ABCD2: variants seen among roughly 807,000 people sequenced by gnomAD.
ABCD2 encodes the protein ATP-binding cassette sub-family D member 2.
ABCD2 carries 36 observed loss-of-function variants against 70.9 expected under a neutral mutation model. The observed-to-expected ratio is 0.51, with a 90% confidence interval of 0.39 to 0.67. ABCD2 has a LOEUF of 0.67. Among genes scored for constraint, ABCD2 ranks in the 30% least tolerant of loss-of-function variants. The probability of loss-of-function intolerance (pLI) is 0.00; values close to 1 mark genes in which losing one functional copy is unlikely to be tolerated. For synonymous variants in ABCD2, 304 were observed against 306.9 expected, an observed-to-expected ratio of 0.99 and a Z score of 0.10; for missense variants, 729 against 890.2, an observed-to-expected ratio of 0.82 and a Z score of 2.30.
chr12:39,569,391 G>C (rs1941412194), intron 9 of ABCD2, among the ~76,000 whole-genome samples: 1 of 152,216 alleles, frequency 6.6e-6, no homozygotes, highest in African/African-American at 2.4e-5. Flanking sequence ...TGCTAGCAAT[G>C]AGCAAGGCTC....
At chr12:39,602,127 T>TTTTA (rs78767678) in intron 5 of ABCD2, among the ~76,000 whole-genome samples, 16,562 of 145,246 alleles carry the variant, frequency 0.11, 1,107 homozygotes, top group South Asian at 0.2. Flanking sequence ...TTTTTAAAAA[T>TTTTA]TTTATTTATT....
the ABCD2 span, among the ~76,000 whole-genome samples, chr12:39,542,427 A>C: frequency 4.6e-5 from 7 of 150,824 alleles, no homozygotes; most frequent in Admixed American, 4.0e-4. Context: ...ACGCCACTGC[A>C]CTCCAGCCTG....
intron 7 of ABCD2, 86 bp downstream of exon 7, chr12:39,586,066 C>A (rs978302015): frequency 1.3e-5 from 16 of 1,266,204 alleles, no homozygotes; most frequent in East Asian, 2.4e-5. Context: ...AGCATACATT[C>A]AAATTAAACC....
At chr12:39,586,435 A>T in intron 6 of ABCD2, 138 bp from the exon 7 acceptor site, 1 of 788,520 alleles carries the variant, frequency 1.3e-6, no homozygotes, top group Non-Finnish European at 1.9e-6. Context: ...CCTGGCGATG[A>T]GTACTTCTCC....
chr12:39,605,659 T>C (rs1366637093), intron 3 of ABCD2, among the ~76,000 whole-genome samples: 1 of 152,160 alleles, frequency 6.6e-6, no homozygotes, highest in Non-Finnish European at 1.5e-5. Flanking sequence ...GCTGTTTTTC[T>C]ATTAAGAGAA....
intron 9 of ABCD2, among the ~76,000 whole-genome samples, chr12:39,560,015 C>T (rs1185907626): frequency 6.6e-6 from 1 of 151,912 alleles, no homozygotes; most frequent in Non-Finnish European, 1.5e-5. Context: ...TCACTTATTT[C>T]TTTTTTTTAT....
chr12:39,579,931 G>A (rs1941573879), intron 7 of ABCD2, among the ~76,000 whole-genome samples: 1 of 152,048 alleles, frequency 6.6e-6, no homozygotes, highest in South Asian at 2.1e-4. Flanking sequence ...TTATCTTGGA[G>A]GGAGATGGGA....
chr12:39,539,912 C>T, the ABCD2 span: 1 of 152,564 alleles, frequency 6.6e-6, no homozygotes, highest in East Asian at 1.9e-4. Context: ...ACCAAGGTTT[C>T]CTGCTTTCTA....
At chr12:39,614,960 A>G (rs1181875821) in intron 2 of ABCD2, among the ~76,000 whole-genome samples, 1 of 152,052 alleles carries the variant, frequency 6.6e-6, no homozygotes, top group African/African-American at 2.4e-5. Context: ...AGCTTTAAGA[A>G]ATACTTTGTT....
Position 39,607,673 on chromosome 12 carries a change from C to T in ABCD2, c.1162G>A (p.Ala388Thr). ...AGTAAATTTCGAGCAGTGGTAAAGG[C>T]TTCTGTCCGTTCACTAACCATAACT... The part of the protein sequence containing the change: ...KQVMVSERTE[A>T]FTTARNLLAS... The change falls in exon 3 of 10, where the codon GCC (alanine) becomes ACC (threonine). Residue 388 changes from alanine (A) to threonine (T), a missense_variant. Physicochemically the swap from Ala to Thr is moderately conservative, Grantham distance 58 (BLOSUM62 0). Around this residue, in one of 3 missense-constraint regions of ABCD2, gnomAD observed 195 missense variants for 300.2 expected, o/e 0.65. Transcript: ENST00000308666. 1 of 1,612,832 alleles carries T rather than the reference C, an allele frequency of 6.2e-7. No homozygotes were observed. Among genetic ancestry groups the T allele is most frequent in the Non-Finnish European group, 8.5e-7 (1 of 1,179,646 alleles).
the ABCD2 span, among the ~76,000 whole-genome samples, chr12:39,537,884 G>C: frequency 6.6e-6 from 1 of 152,146 alleles, no homozygotes; most frequent in East Asian, 1.9e-4. Flanking sequence ...AAAAATTCCT[G>C]GTTGCTATCA....
intron 6 of ABCD2, among the ~76,000 whole-genome samples, chr12:39,588,457 A>G (rs935858254): frequency 6.6e-6 from 1 of 152,214 alleles, no homozygotes; most frequent in East Asian, 1.9e-4. Flanking sequence ...AGCCACGTGA[A>G]GAAGGAGACA....
intron 1 of ABCD2, 55 bp from the exon 2 acceptor site, chr12:39,617,223 CTTTT>C: frequency 1.1e-6 from 1 of 915,580 alleles, no homozygotes; most frequent in Non-Finnish European, 1.5e-6. Context: ...ACATATTATT[CTTTT>C]TTTTTTTTAG....
chr12:39,549,643 CATCT>C (rs1941061357), downstream of ABCD2, among the ~76,000 whole-genome samples: 1 of 151,742 alleles, frequency 6.6e-6, no homozygotes, highest in South Asian at 2.1e-4. Flanking sequence ...ATGAAAAGTG[CATCT>C]ATCTGTTTGG....
chr12:39,564,917 T>C (rs1158317117), intron 9 of ABCD2, among the ~76,000 whole-genome samples: 1 of 152,168 alleles, frequency 6.6e-6, no homozygotes, highest in Non-Finnish European at 1.5e-5. Flanking sequence ...TTTTGTCAGG[T>C]TTGTCAAAGA....
At chr12:39,584,664 GTC>G (rs1941641237) in intron 7 of ABCD2, among the ~76,000 whole-genome samples, 1 of 152,172 alleles carries the variant, frequency 6.6e-6, no homozygotes, top group South Asian at 2.1e-4. Flanking sequence ...TTACATTTAA[GTC>G]TCTAATCCAT....
chr12:39,596,943 C>A (rs1040121307), intron 6 of ABCD2, among the ~76,000 whole-genome samples: 1 of 152,074 alleles, frequency 6.6e-6, no homozygotes, highest in Admixed American at 6.6e-5. Context: ...CTTGTAATAC[C>A]TAACACAATA....
At chr12:39,616,922 A>G in intron 2 of ABCD2, 66 bp downstream of exon 2, 1 of 1,412,650 alleles carries the variant, frequency 7.1e-7, no homozygotes, top group East Asian at 2.4e-5. Flanking sequence ...ACATAAAACT[A>G]GCAATGACAA....
At chr12:39,531,523 G>A in the ABCD2 span, among the ~76,000 whole-genome samples, 1 of 152,212 alleles carries the variant, frequency 6.6e-6, no homozygotes, top group Non-Finnish European at 1.5e-5. Context: ...ACAGGTAAAT[G>A]CTGCCAACCA....
Sources: allele counts gnomAD v4.1 joint callset (sites outside exome capture counted in the v4.1 genomes callset), GRCh38; gene constraint gnomAD v4.1.1; regional missense constraint gnomAD v4.1.1; transcripts MANE v1.5; gene names NCBI Gene and HGNC (gene_info 2026-07-23, HGNC 2026-07-21).